DNAJC5B: variants seen among roughly 807,000 people sequenced by gnomAD.
DNAJC5B encodes the protein dnaJ homolog subfamily C member 5B.
In DNAJC5B, 23 loss-of-function variants were observed where a neutral mutation model predicts 24.7. That is an observed-to-expected ratio of 0.93 (90% CI 0.67 to 1.32). The LOEUF (loss-of-function observed/expected upper bound fraction) is 1.32. DNAJC5B is among the 40% of genes most tolerant of loss of function. The probability of loss-of-function intolerance (pLI) is 0.00; values close to 1 mark genes in which losing one functional copy is unlikely to be tolerated. For synonymous variants in DNAJC5B, 101 were observed against 90.1 expected, an observed-to-expected ratio of 1.12 and a Z score of -0.68; for missense variants, 238 against 240.8, an observed-to-expected ratio of 0.99 and a Z score of 0.08.
At chr8:66,033,080 C>A (rs924872530) in intron 1 of DNAJC5B, among the ~76,000 whole-genome samples, 3 of 152,226 alleles carry the variant, frequency 2.0e-5, no homozygotes, top group Non-Finnish European at 4.4e-5. Context: ...GAAGCCAAGC[C>A]ATCCGTATCC....
intron 5 of DNAJC5B, among the ~76,000 whole-genome samples, chr8:66,092,682 A>G (rs1344791040): frequency 1.3e-5 from 2 of 152,124 alleles, no homozygotes; most frequent in Admixed American, 1.3e-4. Flanking sequence ...TCTTTTTAGT[A>G]TTACAACTAT....
chr8:66,040,148 T>C (rs903633366), intron 1 of DNAJC5B, among the ~76,000 whole-genome samples: 7 of 152,140 alleles, frequency 4.6e-5, no homozygotes, highest in African/African-American at 1.4e-4. Context: ...TCTCAGCACT[T>C]TGGGAGGCCG....
intron 5 of DNAJC5B, among the ~76,000 whole-genome samples, chr8:66,083,940 C>T (rs1807660747): frequency 6.6e-6 from 1 of 152,130 alleles, no homozygotes; most frequent in African/African-American, 2.4e-5. Flanking sequence ...CTGTCTTTTG[C>T]AAATAACACA....
intron 1 of DNAJC5B, among the ~76,000 whole-genome samples, chr8:66,028,425 C>G (rs1806292614): frequency 6.6e-6 from 1 of 152,126 alleles, no homozygotes; most frequent in Admixed American, 6.5e-5. Flanking sequence ...TGTGAACCGC[C>G]CTGCATGCTG....
In DNAJC5B at chr8:66,087,195, T is replaced by A. The variant is rs562748859; in HGVS notation, c.505+6647T>A. 6.1e-4 allele frequency among the ~76,000 whole-genome samples: 93 copies of A among 152,218 alleles called. 1 individual carries two copies. The highest frequency in any genetic ancestry group is 2.1e-3 in the African/African-American group (88 of 41,552). ...GAAGGTGAAAAAGAAGCAAGCACCT[T>A]CTTCATAAGGTGACAGGTGAGAGAG... On this transcript the variant is annotated intron_variant, in intron 5 of 5. Coordinates refer to ENST00000276570, the MANE Select transcript of DNAJC5B (RefSeq NM_033105.6).
chr8:66,080,814 G>A (rs1396569980), intron 5 of DNAJC5B, among the ~76,000 whole-genome samples: 1 of 152,158 alleles, frequency 6.6e-6, no homozygotes, highest in African/African-American at 2.4e-5. Flanking sequence ...TACAATTCAG[G>A]TCTCATTACA....
chr8:66,083,003 CTT>C (rs765749597), intron 5 of DNAJC5B, among the ~76,000 whole-genome samples: 12 of 86,716 alleles, frequency 1.4e-4, no homozygotes, highest in African/African-American at 4.4e-4. Flanking sequence ...CTTTTCTTTT[CTT>C]TTTTTTTTTT....
At chr8:66,080,699 G>A in intron 5 of DNAJC5B, 151 bp downstream of exon 5, 1 of 666,128 alleles carries the variant, frequency 1.5e-6, no homozygotes. Flanking sequence ...TACAGCTTCT[G>A]GGGAGAATGA....
chr8:66,038,961 C>T (rs1806546798), intron 1 of DNAJC5B, among the ~76,000 whole-genome samples: 1 of 152,154 alleles, frequency 6.6e-6, no homozygotes, highest in African/African-American at 2.4e-5. Context: ...CTTTACTTAA[C>T]CAAAAGTTTA....
intron 2 of DNAJC5B, among the ~76,000 whole-genome samples, chr8:66,046,825 C>T (rs1806732953): frequency 6.6e-6 from 1 of 152,266 alleles, no homozygotes; most frequent in Non-Finnish European, 1.5e-5. Flanking sequence ...ATGGCGGCAG[C>T]CAGAGAGCAG....
intron 3 of DNAJC5B, among the ~76,000 whole-genome samples, chr8:66,063,703 C>A (rs1807131802): frequency 6.6e-6 from 1 of 152,176 alleles, no homozygotes; most frequent in South Asian, 2.1e-4. Flanking sequence ...AACTTTTTCA[C>A]TCACTCATTC....
intron 3 of DNAJC5B, among the ~76,000 whole-genome samples, chr8:66,075,078 TG>T (rs1189726180): frequency 6.6e-6 from 1 of 152,162 alleles, no homozygotes; most frequent in Non-Finnish European, 1.5e-5. Context: ...CCTGTTTTTT[TG>T]TTTGTTTGAT....
intron 1 of DNAJC5B, among the ~76,000 whole-genome samples, chr8:66,033,768 C>T (rs1304215575): frequency 3.6e-5 from 5 of 137,360 alleles, no homozygotes; most frequent in African/African-American, 8.5e-5. Context: ...AAGATCATTC[C>T]GCTTTTTTTT....
At chr8:66,017,776 C>G (rs1388891214), upstream of DNAJC5B, among the ~76,000 whole-genome samples, 1 of 152,136 alleles carries the variant, frequency 6.6e-6, no homozygotes, top group Non-Finnish European at 1.5e-5. Flanking sequence ...CATTAAGATT[C>G]CCATATTTTA....
upstream of DNAJC5B, among the ~76,000 whole-genome samples, chr8:66,020,470 A>G (rs1806082577): frequency 6.6e-6 from 1 of 152,216 alleles, no homozygotes; most frequent in Admixed American, 6.5e-5. Flanking sequence ...GTTAGCGTCT[A>G]GAAAAAGTGA....
chr8:66,089,378 A>C (rs528745186), intron 5 of DNAJC5B, among the ~76,000 whole-genome samples: 1 of 152,332 alleles, frequency 6.6e-6, no homozygotes, highest in South Asian at 2.1e-4. Context: ...TCAGTGACCA[A>C]ACACCACAAA....
intron 5 of DNAJC5B, among the ~76,000 whole-genome samples, chr8:66,090,399 C>T (rs1350930728): frequency 6.6e-6 from 1 of 151,850 alleles, no homozygotes; most frequent in African/African-American, 2.4e-5. Context: ...TTTGGTTTTT[C>T]CAAGCTGAAG....
At chr8:66,082,433 C>T (rs1713985904) in intron 5 of DNAJC5B, among the ~76,000 whole-genome samples, 1 of 152,078 alleles carries the variant, frequency 6.6e-6, no homozygotes, top group Non-Finnish European at 1.5e-5. Flanking sequence ...TTTCAGTAGA[C>T]CTTCTTTGTG....
At chr8:66,068,917 G>A (rs1807283453) in intron 3 of DNAJC5B, among the ~76,000 whole-genome samples, 1 of 152,094 alleles carries the variant, frequency 6.6e-6, no homozygotes, top group Admixed American at 6.6e-5. Flanking sequence ...GAAGCCAGAA[G>A]ACAGAGGACA....
Sources: gnomAD v4.1 joint callset for allele counts (sites outside exome capture counted in the v4.1 genomes callset) on GRCh38, gnomAD v4.1.1 for gene constraint, MANE v1.5 for transcripts, NCBI Gene and HGNC (gene_info 2026-07-23, HGNC 2026-07-21) for gene names.